DGKB: variants seen among roughly 807,000 people sequenced by gnomAD.
DGKB encodes the protein 90 kDa diacylglycerol kinase.
Under a neutral mutation model 114.3 loss-of-function variants are expected in DGKB, and 67 were observed. The ratio of observed to expected loss-of-function variants is 0.59; its 90% CI spans 0.48 to 0.72. DGKB has a LOEUF of 0.72. Among genes scored for constraint, DGKB ranks in the 30% least tolerant of loss-of-function variants. DGKB has a pLI of 0.00. For synonymous variants in DGKB, 398 were observed against 323.1 expected, an observed-to-expected ratio of 1.23 and a Z score of -2.49; for missense variants, 907 against 975.2, an observed-to-expected ratio of 0.93 and a Z score of 0.93.
chr7:14,200,789 G>C (rs963219795), intron 23 of DGKB, among the ~76,000 whole-genome samples: 4 of 151,958 alleles, frequency 2.6e-5, no homozygotes, highest in African/African-American at 9.7e-5. Context: ...AAAAGGGAGA[G>C]TGTTTAACTC....
chr7:14,731,775 G>T (rs1011703237), intron 5 of DGKB, among the ~76,000 whole-genome samples: 1 of 152,098 alleles, frequency 6.6e-6, no homozygotes, highest in Non-Finnish European at 1.5e-5. Flanking sequence ...TGGGCCCCAA[G>T]GATGGAAGCA....
At chr7:14,687,415 T>C (rs752725722) in intron 9 of DGKB, among the ~76,000 whole-genome samples, 5 of 152,206 alleles carry the variant, frequency 3.3e-5, no homozygotes, top group Non-Finnish European at 7.3e-5. Context: ...TTAATTTTCT[T>C]TCAAAACCTA....
At chr7:14,452,887 A>G (rs1831731431) in intron 21 of DGKB, among the ~76,000 whole-genome samples, 1 of 152,050 alleles carries the variant, frequency 6.6e-6, no homozygotes, top group East Asian at 1.9e-4. Flanking sequence ...CTGAATATCA[A>G]TCATTTCCTC....
At chr7:14,371,096 T>A (rs2128653070) in intron 21 of DGKB, among the ~76,000 whole-genome samples, 1 of 152,316 alleles carries the variant, frequency 6.6e-6, no homozygotes, top group South Asian at 2.1e-4. Flanking sequence ...TGATTCCATG[T>A]CTTGGCTAGT....
chr7:14,641,285 TTG>T (rs1563760783), intron 13 of DGKB, among the ~76,000 whole-genome samples: 8 of 15,194 alleles, frequency 5.3e-4, no homozygotes, highest in South Asian at 1.3e-3. Context: ...ATATAGGGAT[TTG>T]GTTTACAATA....
At chr7:14,503,531 G>T (rs1402118075) in intron 20 of DGKB, among the ~76,000 whole-genome samples, 2 of 151,944 alleles carry the variant, frequency 1.3e-5, no homozygotes, top group African/African-American at 4.8e-5. Flanking sequence ...GAGTACCCTT[G>T]AGGCAATAAT....
chr7:14,895,556 G>A (rs755419973), intron 1 of DGKB, among the ~76,000 whole-genome samples: 1 of 151,532 alleles, frequency 6.6e-6, no homozygotes, highest in African/African-American at 2.4e-5. Flanking sequence ...TCATGGACTT[G>A]TTTCCTTGTT....
intron 2 of DGKB, among the ~76,000 whole-genome samples, chr7:14,797,173 A>G (rs1244439997): frequency 1.3e-5 from 2 of 152,162 alleles, no homozygotes; most frequent in Admixed American, 6.5e-5. Flanking sequence ...TGCAAGCAGC[A>G]AAGTTCTAGG....
chr7:14,170,450 G>T (rs1780827070), intron 25 of DGKB, among the ~76,000 whole-genome samples: 1 of 152,136 alleles, frequency 6.6e-6, no homozygotes, highest in Non-Finnish European at 1.5e-5. Flanking sequence ...CTGGTACATG[G>T]TAAGCAAGGT....
intron 13 of DGKB, among the ~76,000 whole-genome samples, chr7:14,645,352 G>C (rs1398139042): frequency 6.6e-6 from 1 of 152,096 alleles, no homozygotes; most frequent in Non-Finnish European, 1.5e-5. Flanking sequence ...GAGCTGTAAT[G>C]TTCCTGCTTG....
intron 21 of DGKB, among the ~76,000 whole-genome samples, chr7:14,356,729 G>A (rs140709919): frequency 0.033 from 4,963 of 152,030 alleles, 266 homozygotes; most frequent in African/African-American, 0.11. Context: ...TTCTCTTGTG[G>A]GAATTTAGTG....
chr7:14,420,778 T>C (rs777846273), intron 21 of DGKB, among the ~76,000 whole-genome samples: 87 of 152,054 alleles, frequency 5.7e-4, no homozygotes, highest in Non-Finnish European at 9.7e-4. Context: ...AACTAAATCC[T>C]TATCTGGCTG....
chr7:14,893,836 A>C (rs973425258), intron 1 of DGKB, among the ~76,000 whole-genome samples: 2 of 151,340 alleles, frequency 1.3e-5, no homozygotes, highest in African/African-American at 4.8e-5. Context: ...CTCCTATAGC[A>C]ACATGTGCCT....
chr7:14,207,110 G>A (rs1334650839), intron 23 of DGKB, among the ~76,000 whole-genome samples: 1 of 151,940 alleles, frequency 6.6e-6, no homozygotes, highest in African/African-American at 2.4e-5. Context: ...CAACTTCTAT[G>A]TTTCAGGAAT....
At chr7:14,313,699 T>C (rs891241179) in intron 23 of DGKB, among the ~76,000 whole-genome samples, 14 of 151,842 alleles carry the variant, frequency 9.2e-5, no homozygotes, top group East Asian at 2.0e-4. Flanking sequence ...GCAGCGAGGC[T>C]GGGGGAGGGG....
intron 22 of DGKB, among the ~76,000 whole-genome samples, chr7:14,339,121 T>A (rs1449045480): frequency 6.6e-6 from 1 of 151,832 alleles, no homozygotes; most frequent in Non-Finnish European, 1.5e-5. Flanking sequence ...TGCAAGGTAC[T>A]ATTGGGGGAA....
chr7:14,369,667 A>G (rs1301406037), intron 21 of DGKB, among the ~76,000 whole-genome samples: 2 of 152,128 alleles, frequency 1.3e-5, no homozygotes, highest in East Asian at 3.9e-4. Context: ...TTCTGTAATG[A>G]CCAGTGATGA....
chr7:14,644,025 C>A (rs1812401419), intron 13 of DGKB, among the ~76,000 whole-genome samples: 2 of 151,984 alleles, frequency 1.3e-5, no homozygotes, highest in South Asian at 4.1e-4. Flanking sequence ...CCTACCTGGG[C>A]TCTCCCAAAG....
chr7:14,689,656 T>A (rs867222912), intron 9 of DGKB, among the ~76,000 whole-genome samples: 28 of 152,168 alleles, frequency 1.8e-4, no homozygotes, highest in Admixed American at 8.5e-4. Context: ...CACGTAGTCA[T>A]TTTTCTTAAA....
Sources: gnomAD v4.1 joint callset for allele counts (sites outside exome capture counted in the v4.1 genomes callset) on GRCh38, gnomAD v4.1.1 for gene constraint, MANE v1.5 for transcripts, NCBI Gene and HGNC (gene_info 2026-07-23, HGNC 2026-07-21) for gene names.